PTPRR: variants seen among roughly 807,000 people sequenced by gnomAD.
PTPRR encodes the protein receptor-type tyrosine-protein phosphatase R.
PTPRR carries 38 observed loss-of-function variants against 77.2 expected under a neutral mutation model. The observed-to-expected ratio is 0.49, with a 90% confidence interval of 0.38 to 0.65. The LOEUF (loss-of-function observed/expected upper bound fraction) is 0.65. Ranked by LOEUF, PTPRR falls within the 30% of genes least tolerant of loss-of-function variation. PTPRR has a pLI of 0.00. For synonymous variants in PTPRR, 299 were observed against 283.1 expected, an observed-to-expected ratio of 1.06 and a Z score of -0.57; for missense variants, 744 against 799.2, an observed-to-expected ratio of 0.93 and a Z score of 0.83.
At chr12:70,693,201 T>C (rs1398269435) in intron 8 of PTPRR, among the ~76,000 whole-genome samples, 2 of 152,220 alleles carry the variant, frequency 1.3e-5, no homozygotes, top group African/African-American at 4.8e-5. Context: ...AAAAACTGCT[T>C]AGAAACAGTT....
At chr12:70,748,058 C>T (rs1203555876) in intron 5 of PTPRR, among the ~76,000 whole-genome samples, 5 of 152,026 alleles carry the variant, frequency 3.3e-5, no homozygotes. Context: ...GGCTAACTAC[C>T]TTTACAATGC....
chr12:70,787,906 A>G (rs772481828), intron 2 of PTPRR, among the ~76,000 whole-genome samples: 9 of 152,226 alleles, frequency 5.9e-5, no homozygotes, highest in Non-Finnish European at 1.2e-4. Context: ...AGATAAAATT[A>G]AAATTATCTA....
At chr12:70,760,832 T>C (rs1890674034) in intron 4 of PTPRR, among the ~76,000 whole-genome samples, 1 of 152,172 alleles carries the variant, frequency 6.6e-6, no homozygotes, top group South Asian at 2.1e-4. Context: ...GTAGGTTTGT[T>C]AGAGCGGGAT....
chr12:70,803,132 G>GCA (rs1308989821), intron 2 of PTPRR, among the ~76,000 whole-genome samples: 3 of 152,132 alleles, frequency 2.0e-5, no homozygotes, highest in Non-Finnish European at 2.9e-5. Flanking sequence ...GGTATGTGAA[G>GCA]ATTTTGTCAC....
At chr12:70,831,446 G>A (rs566124657) in intron 2 of PTPRR, among the ~76,000 whole-genome samples, 2 of 152,274 alleles carry the variant, frequency 1.3e-5, no homozygotes, top group South Asian at 4.1e-4. Flanking sequence ...CTGTGTAAAT[G>A]AGGAGCCAGG....
chr12:70,715,297 T>C (rs1340069240), intron 6 of PTPRR, among the ~76,000 whole-genome samples: 2 of 152,116 alleles, frequency 1.3e-5, no homozygotes, highest in Non-Finnish European at 2.9e-5. Context: ...AGACATCAAG[T>C]ACTTCACAAG....
intron 2 of PTPRR, among the ~76,000 whole-genome samples, chr12:70,815,133 C>CAAAAAAAAAAAAAAAAAAAA (rs368833751): frequency 7.2e-6 from 1 of 139,114 alleles, no homozygotes; most frequent in African/African-American, 2.7e-5. Context: ...GATAAGATAT[C>CAAAAAAAAAAAAAAAAAAAA]AAAAAAAAAA....
At chr12:70,877,602 T>A (rs1893073106) in intron 2 of PTPRR, among the ~76,000 whole-genome samples, 1 of 151,986 alleles carries the variant, frequency 6.6e-6, no homozygotes, top group African/African-American at 2.4e-5. Flanking sequence ...TAAAAGAGGA[T>A]ACAAACAAAT....
chr12:70,907,113 C>G (rs571278042), intron 1 of PTPRR: 2 of 152,342 alleles, frequency 1.3e-5, no homozygotes, highest in South Asian at 2.1e-4. Context: ...AAATATAATT[C>G]TACCAGGAAG....
intron 1 of PTPRR, among the ~76,000 whole-genome samples, chr12:70,895,309 T>C (rs1893408480): frequency 6.6e-6 from 1 of 151,626 alleles, no homozygotes. Flanking sequence ...ACAAATATCT[T>C]CAATCTTTCT....
intron 2 of PTPRR, among the ~76,000 whole-genome samples, chr12:70,775,797 T>C (rs913535613): frequency 6.6e-6 from 1 of 152,094 alleles, no homozygotes; most frequent in Non-Finnish European, 1.5e-5. Flanking sequence ...CCTTTTTTTT[T>C]TAACCTGGAA....
At position 70,730,719 on chromosome 12, in the gene PTPRR, G is replaced by A. The variant is rs138713955; in HGVS notation, c.1007+15099C>T. Among the ~76,000 whole-genome samples, 1,512 of 152,024 alleles carry A rather than the reference G, an allele frequency of 9.9e-3. 13 individuals are homozygous for A. Among genetic ancestry groups the A allele is most frequent in the Middle Eastern group, 0.017 (5 of 294 alleles). On this transcript the variant is annotated intron_variant, in intron 6 of 13. Coordinates refer to ENST00000283228, the MANE Select transcript of PTPRR (RefSeq NM_002849.4). ...TGTGCTTATAGTCCTATTTACTTAG[G>A]AGGCTGGGGCGAGTGGACTACTTGA...
chr12:70,657,526 T>C (rs1252232193), intron 12 of PTPRR, among the ~76,000 whole-genome samples: 2 of 152,228 alleles, frequency 1.3e-5, no homozygotes, highest in Non-Finnish European at 2.9e-5. Flanking sequence ...TCTGTCTCTG[T>C]CTGCAGTTTT....
chr12:70,866,034 A>C (rs1892839041), intron 2 of PTPRR, among the ~76,000 whole-genome samples: 1 of 152,166 alleles, frequency 6.6e-6, no homozygotes. Context: ...CATTCAAAGC[A>C]GTGTGTAGAG....
intron 6 of PTPRR, among the ~76,000 whole-genome samples, chr12:70,739,632 A>G (rs554102061): frequency 5.3e-4 from 81 of 152,362 alleles, no homozygotes; most frequent in Middle Eastern, 3.4e-3. Flanking sequence ...TGCTGAAAAC[A>G]CAAGACAAAC....
intron 10 of PTPRR, 115 bp from the exon 11 acceptor site, chr12:70,662,720 C>T (rs1012748440): frequency 5.9e-5 from 33 of 562,266 alleles, no homozygotes; most frequent in African/African-American, 5.1e-4. Flanking sequence ...TATCAAATAT[C>T]AATTTTTATA....
chr12:70,698,149 T>C (rs1454247625), intron 8 of PTPRR, 116 bp downstream of exon 8: 10 of 727,700 alleles, frequency 1.4e-5, no homozygotes, highest in East Asian at 1.1e-4. Context: ...ACATGTGCCA[T>C]TGTGGTTTGC....
At chr12:70,780,658 G>T (rs1205362761) in intron 2 of PTPRR, among the ~76,000 whole-genome samples, 1 of 151,990 alleles carries the variant, frequency 6.6e-6, no homozygotes, top group Non-Finnish European at 1.5e-5. Context: ...CCATTTTCAT[G>T]TGATGCTATA....
chr12:70,800,265 TC>T (rs1306330198), intron 2 of PTPRR, among the ~76,000 whole-genome samples: 2 of 147,642 alleles, frequency 1.4e-5, no homozygotes, highest in African/African-American at 5.0e-5. Flanking sequence ...TACTGTTCTC[TC>T]TCTTTTTTTT....
Sources: allele counts gnomAD v4.1 joint callset (sites outside exome capture counted in the v4.1 genomes callset), GRCh38; gene constraint gnomAD v4.1.1; transcripts MANE v1.5; gene names NCBI Gene and HGNC (gene_info 2026-07-23, HGNC 2026-07-21).